The following CNBD1 variants were observed in gnomAD, a reference collection of about 807,000 sequenced individuals.
CNBD1 encodes cyclic nucleotide binding domain containing 1, also known as cyclic nucleotide-binding domain-containing protein 1.
In CNBD1, 71 loss-of-function variants were observed where a neutral mutation model predicts 54.4. The ratio of observed to expected loss-of-function variants is 1.30; its 90% confidence interval spans 1.08 to 1.59. The LOEUF (loss-of-function observed/expected upper bound fraction) is 1.59. CNBD1 is among the 40% of genes most tolerant of loss of function. CNBD1 has a pLI of 0.00. For synonymous variants in CNBD1, 182 were observed against 170.7 expected (o/e 1.07, Z -0.51); for missense variants, 659 against 518.0 (o/e 1.27, Z -2.64).
chr8:87,012,292 A>AT lies in CNBD1; in HGVS notation c.431+72544dup, dbSNP rs2083209157. On this transcript the variant is annotated intron_variant, in intron 4 of 10. Transcript: ENST00000518476. The stretch of plus-strand genomic sequence containing the variant: ...GAGCAGGGTTGAAGACTAAGCTCTG[A>AT]TTTTTTATCTTACCCAAATTCCTGC... Among the ~76,000 whole-genome samples, 5 of 152,202 alleles carry AT rather than the reference A, an allele frequency of 3.3e-5. No individual in the cohort carries two copies. The South Asian group carries it at 1.0e-3, about 32-fold the overall frequency.
chr8:87,186,472 C>A (rs1813478297), intron 4 of CNBD1, among the ~76,000 whole-genome samples: 2 of 152,018 alleles, frequency 1.3e-5, no homozygotes, highest in Admixed American at 1.3e-4. Flanking sequence ...AGTTATTATC[C>A]TTTTCCATAT....
chr8:87,056,972 G>A (rs1036853692), intron 4 of CNBD1, among the ~76,000 whole-genome samples: 22 of 152,158 alleles, frequency 1.4e-4, no homozygotes, highest in African/African-American at 4.8e-4. Flanking sequence ...TTTGTGTGTG[G>A]ATGGAACCTG....
chr8:87,234,851 T>C (rs1047408191), intron 5 of CNBD1, among the ~76,000 whole-genome samples: 1 of 152,170 alleles, frequency 6.6e-6, no homozygotes, highest in African/African-American at 2.4e-5. Flanking sequence ...TTCTTCTCTC[T>C]TTTAGCTATA....
chr8:86,874,333 T>C (rs1808484134), intron 1 of CNBD1, among the ~76,000 whole-genome samples: 1 of 152,202 alleles, frequency 6.6e-6, no homozygotes, highest in African/African-American at 2.4e-5. Context: ...TTGTTTGATA[T>C]TTCCTCATGA....
chr8:87,032,237 A>T (rs576386532), intron 4 of CNBD1, among the ~76,000 whole-genome samples: 1 of 152,170 alleles, frequency 6.6e-6, no homozygotes, highest in East Asian at 1.9e-4. Flanking sequence ...TGTGGGGGGT[A>T]GGGGCGTTGA....
intron 10 of CNBD1, among the ~76,000 whole-genome samples, chr8:87,373,373 G>A (rs898355610): frequency 1.3e-5 from 2 of 151,784 alleles, no homozygotes; most frequent in Non-Finnish European, 2.9e-5. Context: ...AATTTGGAGT[G>A]CTGCTAGGCA....
At chr8:87,033,742 A>T (rs73275714) in intron 4 of CNBD1, among the ~76,000 whole-genome samples, 23 of 152,088 alleles carry the variant, frequency 1.5e-4, no homozygotes, top group African/African-American at 5.3e-4. Flanking sequence ...TTTCTCCTCA[A>T]TGCTTTTCTT....
intron 6 of CNBD1, among the ~76,000 whole-genome samples, chr8:87,255,995 ATATATATATATATATATATATTTTT>A (rs1204169547): frequency 1.3e-3 from 21 of 15,658 alleles, no homozygotes; most frequent in Non-Finnish European, 1.6e-3. Flanking sequence ...ATATATATAT[ATATATATATATATATATATATTTTT>A]TTTTTTTTTT....
Position 87,326,163 on chromosome 8 carries a change from C to CGA in CNBD1, c.1043-25517_1043-25516dup, listed in dbSNP as rs1809665306. ...CTCTTCTGGCTTGTAGGGTTTCTGCCGAGAGATCCGCTGTTAGTCTGATGG... is the reference window on the plus strand; with the variant it reads ...CTCTTCTGGCTTGTAGGGTTTCTGCCGAGAGAGATCCGCTGTTAGTCTGATGG... On this transcript the variant is annotated intron_variant, in intron 8 of 10. Transcript: ENST00000518476. Among the ~76,000 whole-genome samples, 4 of 122,182 alleles carry CGA rather than the reference C, an allele frequency of 3.3e-5. No individual in the cohort carries two copies. The South Asian group carries it at 1.0e-3, about 31-fold the overall frequency. The allele number at this position is 122,182 out of a possible 152,430, so 80.2% of individuals were successfully genotyped here.
chr8:87,263,990 GTATTT>G (rs753720655), intron 6 of CNBD1, among the ~76,000 whole-genome samples: 15 of 151,974 alleles, frequency 9.9e-5, no homozygotes, highest in East Asian at 3.9e-4. Context: ...GTATTAAAAA[GTATTT>G]TATTTTATTT....
At chr8:86,989,158 AC>A (rs1370931848) in intron 4 of CNBD1, among the ~76,000 whole-genome samples, 2 of 152,066 alleles carry the variant, frequency 1.3e-5, no homozygotes, top group African/African-American at 2.4e-5. Context: ...TGTAGTGCCA[AC>A]TACTCAGGAA....
At chr8:87,112,484 C>G (rs1811683865) in intron 4 of CNBD1, among the ~76,000 whole-genome samples, 1 of 152,248 alleles carries the variant, frequency 6.6e-6, no homozygotes, top group East Asian at 1.9e-4. Flanking sequence ...TAAACCCTGA[C>G]AGAGAAGCCC....
chr8:87,331,912 G>C (rs897988525), intron 8 of CNBD1, among the ~76,000 whole-genome samples: 1 of 152,006 alleles, frequency 6.6e-6, no homozygotes, highest in Middle Eastern at 3.4e-3. Context: ...ATGGGGTTTT[G>C]TTTTTTTCTT....
intron 4 of CNBD1, among the ~76,000 whole-genome samples, chr8:87,101,888 ATTTT>A (rs373181788): frequency 7.3e-6 from 1 of 137,416 alleles, no homozygotes; most frequent in Non-Finnish European, 1.6e-5. Context: ...AGTAGATTTA[ATTTT>A]TTTTTTTTTT....
At chr8:87,071,074 G>A (rs865875028) in intron 4 of CNBD1, among the ~76,000 whole-genome samples, 1 of 151,922 alleles carries the variant, frequency 6.6e-6, no homozygotes. Flanking sequence ...TTTAAAAAAG[G>A]CAAAGAACTT....
intron 8 of CNBD1, among the ~76,000 whole-genome samples, chr8:87,316,277 A>G (rs1809384020): frequency 2.0e-5 from 3 of 152,056 alleles, no homozygotes; most frequent in Admixed American, 1.3e-4. Context: ...AAATACAATT[A>G]GAATGAAAAG....
chr8:87,256,448 T>C (rs751651909), intron 6 of CNBD1, among the ~76,000 whole-genome samples: 2 of 152,104 alleles, frequency 1.3e-5, no homozygotes, highest in African/African-American at 2.4e-5. Context: ...GGCTCTCCTA[T>C]TGCCTAGCTA....
At position 87,086,671 on chromosome 8, in the gene CNBD1, T is replaced by C. The variant is rs143179304; in HGVS notation, c.432-119322T>C. Among the ~76,000 whole-genome samples the C allele has an allele frequency of 9.4e-3, 1,439 of 152,296 alleles. 23 individuals are homozygous for C. The highest frequency in any genetic ancestry group is 0.032 in the African/African-American group (1,341 of 41,560). ...AAAATACTATTTATTTTCAAAATGA[T>C]GATTTTGTGAAAAATGAAAAAAAAT... is the stretch of plus-strand genomic sequence containing the variant. On this transcript the variant is annotated intron_variant, in intron 4 of 10. Coordinates refer to ENST00000518476, the MANE Select transcript of CNBD1 (RefSeq NM_173538.3).
chr8:87,201,853 A>G (rs544588707), intron 4 of CNBD1, among the ~76,000 whole-genome samples: 1 of 152,250 alleles, frequency 6.6e-6, no homozygotes, highest in Admixed American at 6.5e-5. Flanking sequence ...CCCAGGTTCA[A>G]GCCATTCTCC....
Sources: allele counts gnomAD v4.1 joint callset (sites outside exome capture counted in the v4.1 genomes callset), GRCh38; gene constraint gnomAD v4.1.1; transcripts MANE v1.5; gene names NCBI Gene and HGNC (gene_info 2026-07-23, HGNC 2026-07-21).